CWH43: variants seen among roughly 807,000 people sequenced by gnomAD.
CWH43 encodes the protein PGAP2-interacting protein.
In CWH43, 91 loss-of-function variants were observed where a neutral mutation model predicts 85.7. The observed-to-expected ratio is 1.06, with a 90% confidence interval of 0.90 to 1.26. CWH43 has a LOEUF of 1.26. Ranked by LOEUF, CWH43 falls within the 50% of genes most tolerant of loss-of-function variation. The pLI, the probability that CWH43 is intolerant of heterozygous loss-of-function variation, is 0.00. For missense variants in CWH43, 869 were observed against 839.2 expected, an observed-to-expected ratio of 1.04 and a Z score of -0.44; for synonymous variants, 323 against 293.6, an observed-to-expected ratio of 1.10 and a Z score of -1.02.
Position 49,003,919 on chromosome 4 carries a change from C to A in CWH43, c.987C>A (p.Phe329Leu), listed in dbSNP as rs1185570945. Residue 329 changes from phenylalanine (F) to leucine (L), a missense_variant, in exon 7 of 16, where the codon TTC (phenylalanine) becomes TTA (leucine). By Grantham distance (22) the Phe-to-Leu change is conservative. Transcript: ENST00000226432. ...TATTTTATCTTCTAGAAATATTTTT[C>A]TGTGCCTGGTGCACAGCTTTTAAGT... The part of the protein sequence containing the change: ...AMIFYLLEIF[F>L]CAWCTAFKFV... 4.3e-6 allele frequency: 7 copies of A among 1,613,710 alleles called. No individual in the cohort carries two copies. The South Asian group carries it at 5.5e-5, about 13-fold the overall frequency.
intron 7 of CWH43, among the ~76,000 whole-genome samples, chr4:49,006,408 C>A (rs1027577929): frequency 6.6e-6 from 1 of 152,074 alleles, no homozygotes; most frequent in African/African-American, 2.4e-5. Flanking sequence ...TTCAGAGTGG[C>A]TTTTAATACA....
intron 8 of CWH43, among the ~76,000 whole-genome samples, chr4:49,011,622 G>T (rs1269920225): frequency 6.6e-6 from 1 of 152,134 alleles, no homozygotes; most frequent in African/African-American, 2.4e-5. Context: ...GCAGGTACCG[G>T]TTGTTCCTGT....
At chr4:49,031,150 T>C in intron 11 of CWH43, 190 bp downstream of exon 11, 1 of 519,180 alleles carries the variant, frequency 1.9e-6, no homozygotes. Flanking sequence ...GCTGGATATT[T>C]CCAGTTCTTC....
intron 8 of CWH43, 164 bp from the exon 9 acceptor site, chr4:49,017,085 C>T (rs1338111259): frequency 2.7e-6 from 2 of 735,546 alleles, no homozygotes; most frequent in Non-Finnish European, 4.9e-6. Context: ...TGTCAATGAG[C>T]TCCCCAAGAC....
chr4:48,986,286 G>A lies in CWH43; in HGVS notation c.-144G>A. The A allele has an allele frequency of 1.3e-6, 1 of 767,042 alleles. No homozygotes were observed. Among genetic ancestry groups the A allele is most frequent in the South Asian group, 1.9e-5 (1 of 53,802 alleles). 47.5% of individuals were successfully genotyped at this position (767,042 alleles called of 1,614,324 possible). A position where few individuals can be genotyped will look rare whatever the true frequency, so the allele number is the denominator to read the frequency against. ...TCGGCAAGTGGGTCAGTTGGCTGGGGCTCACTTGGCAACGGGACGCGGGAA... is the reference window on the plus strand; with the variant it reads ...TCGGCAAGTGGGTCAGTTGGCTGGGACTCACTTGGCAACGGGACGCGGGAA... On this transcript the variant is annotated 5_prime_UTR_variant, in exon 1 of 16. Coordinates refer to ENST00000226432, the MANE Select transcript of CWH43 (RefSeq NM_025087.3).
chr4:49,057,955 A>G (rs1276127986), intron 15 of CWH43, among the ~76,000 whole-genome samples: 2 of 152,170 alleles, frequency 1.3e-5, no homozygotes, highest in East Asian at 3.8e-4. Context: ...ATTTGCATGG[A>G]ATATCTTTCC....
intron 6 of CWH43, among the ~76,000 whole-genome samples, chr4:48,999,905 A>G (rs1466733785): frequency 1.3e-5 from 2 of 152,036 alleles, no homozygotes; most frequent in African/African-American, 4.8e-5. Flanking sequence ...GAAGACAATC[A>G]TGTTTTGGGC....
intron 14 of CWH43, 88 bp downstream of exon 14, chr4:49,044,935 G>A (rs1784576762): frequency 4.9e-6 from 5 of 1,018,048 alleles, no homozygotes; most frequent in East Asian, 2.5e-5. Context: ...CTTTATGGAA[G>A]CAATTAATTT....
chr4:49,032,693 G>A lies in CWH43; in HGVS notation c.1636G>A (p.Val546Met), dbSNP rs1377666359. The A allele has an allele frequency of 2.9e-5, 47 of 1,613,938 alleles. No homozygotes were observed. The highest frequency in any genetic ancestry group is 4.5e-5 in the East Asian group (2 of 44,890). ...TTCGGGCAAGCTGGTGGATTTTGTC[G>A]TGACACACTTTGGGAACCACGAGTG... ...NISGKLVDFV[V>M]THFGNHEDDL... is the part of the protein sequence containing the mutation. The change falls in exon 12 of 16, where the codon GTG becomes ATG. Residue 546 changes from valine to methionine, a missense_variant. Val to Met is a conservative substitution (Grantham distance 21). This residue lies in a region of CWH43 where 577 missense variants were observed against 513.1 expected (regional missense o/e 1.12). Transcript: ENST00000226432.
At chr4:49,028,878 CT>C in intron 10 of CWH43, 144 bp downstream of exon 10, 1 of 583,640 alleles carries the variant, frequency 1.7e-6, no homozygotes, top group South Asian at 2.3e-5. Context: ...CTCAAAAATG[CT>C]TTACTTTGGC....
At chr4:49,019,234 A>G (rs1040501655) in intron 9 of CWH43, among the ~76,000 whole-genome samples, 1 of 152,188 alleles carries the variant, frequency 6.6e-6, no homozygotes, top group African/African-American at 2.4e-5. Flanking sequence ...GCTGCCATGA[A>G]GGAAACAGGA....
In CWH43 at chr4:48,998,652, T is replaced by C. The variant is rs778220012; in HGVS notation, c.802+104T>C. ...GAAAGTAGATACAACCATACAAATA[T>C]GTACTGTGGCCAAATGGGCTGTTGT... On this transcript the variant is annotated intron_variant, in intron 6 of 15. Coordinates refer to ENST00000226432, the MANE Select transcript of CWH43 (RefSeq NM_025087.3). 9.6e-5 allele frequency: 81 copies of C among 844,356 alleles called. No individual in the cohort carries two copies. In the Middle Eastern group the frequency reaches 1.3e-3, roughly 14 times the overall value. The allele number at this position is 844,356 out of a possible 1,614,324, so 52.3% of individuals were successfully genotyped here.
intron 14 of CWH43, among the ~76,000 whole-genome samples, chr4:49,045,529 C>G (rs1031869297): frequency 1.3e-5 from 2 of 152,222 alleles, no homozygotes; most frequent in South Asian, 4.1e-4. Context: ...TACACAAATA[C>G]TTACCATGGT....
chr4:49,054,605 A>G (rs2109845791), intron 15 of CWH43, among the ~76,000 whole-genome samples: 1 of 152,222 alleles, frequency 6.6e-6, no homozygotes, highest in East Asian at 1.9e-4. Flanking sequence ...GGTAGTATGA[A>G]TATTTTAACA....
intron 15 of CWH43, among the ~76,000 whole-genome samples, chr4:49,051,928 A>G (rs1784811500): frequency 6.6e-6 from 1 of 152,172 alleles, no homozygotes; most frequent in African/African-American, 2.4e-5. Flanking sequence ...TATGAGTTGG[A>G]GTATGTGCTC....
intron 6 of CWH43, among the ~76,000 whole-genome samples, chr4:49,000,437 A>C (rs897587879): frequency 2.0e-5 from 3 of 152,162 alleles, no homozygotes; most frequent in African/African-American, 7.2e-5. Flanking sequence ...GTTTGTGTGT[A>C]CCTAAGAGTA....
intron 6 of CWH43, among the ~76,000 whole-genome samples, chr4:48,999,068 C>T: frequency 6.6e-6 from 1 of 152,000 alleles, no homozygotes; most frequent in Non-Finnish European, 1.5e-5. Flanking sequence ...TCTTCCTGAT[C>T]CTCTCTCTCC....
At chr4:49,054,837 T>C (rs1033190878) in intron 15 of CWH43, among the ~76,000 whole-genome samples, 1 of 152,116 alleles carries the variant, frequency 6.6e-6, no homozygotes, top group African/African-American at 2.4e-5. Flanking sequence ...CTGATTTTTG[T>C]ATGCCGCTTT....
intron 15 of CWH43, among the ~76,000 whole-genome samples, chr4:49,054,854 C>A (rs1784902898): frequency 6.6e-6 from 1 of 151,754 alleles, no homozygotes; most frequent in Non-Finnish European, 1.5e-5. Context: ...CTTTTGTATC[C>A]TGCAAATTTA....
Sources: allele counts gnomAD v4.1 joint callset (sites outside exome capture counted in the v4.1 genomes callset), GRCh38; gene constraint gnomAD v4.1.1; regional missense constraint gnomAD v4.1.1; transcripts MANE v1.5; gene names NCBI Gene and HGNC (gene_info 2026-07-23, HGNC 2026-07-21).